Variants in ADAMTS20 observed in about 807,000 individuals in gnomAD.
ADAMTS20 encodes ADAM metallopeptidase with thrombospondin type 1 motif 20, also known as A disintegrin and metalloproteinase with thrombospondin motifs 20.
Under a neutral mutation model 260.1 loss-of-function variants are expected in ADAMTS20, and 225 were observed. The ratio of observed to expected loss-of-function variants is 0.87; its 90% CI spans 0.78 to 0.97. ADAMTS20 has a LOEUF of 0.97. Among genes scored for constraint, ADAMTS20 ranks in the 50% least tolerant of loss-of-function variants. The pLI, the probability that ADAMTS20 is intolerant of heterozygous loss-of-function variation, is 0.00. For missense variants in ADAMTS20, 2,400 were observed against 2,337.7 expected (o/e 1.03, Z -0.55); for synonymous variants, 802 against 769.5 (o/e 1.04, Z -0.70).
chr12:43,357,784 GAATT>G (rs927999655), intron 37 of ADAMTS20, among the ~76,000 whole-genome samples: 2 of 152,100 alleles, frequency 1.3e-5, no homozygotes, highest in Non-Finnish European at 2.9e-5. Flanking sequence ...TTGAATGGAT[GAATT>G]AAGTGCAGCA....
chr12:43,431,431 G>A lies in ADAMTS20; in HGVS notation c.3162C>T (p.His1054=). The A allele has an allele frequency of 6.2e-7, 1 of 1,613,972 alleles. No individual in the cohort carries two copies. Among genetic ancestry groups the A allele is most frequent in the African/African-American group, 1.3e-5 (1 of 75,050 alleles). ...TTGAATTACAGAAGCCATCACTCAAGTGATCTACATTCAGCTGACACCATA... is the reference window on the plus strand; with the variant it reads ...TTGAATTACAGAAGCCATCACTCAAATGATCTACATTCAGCTGACACCATA... ...RQVWCQLNVD[H]LSDGFCNSST... Residue 1054 remains histidine, a synonymous_variant, in exon 22 of 39, where the codon CAC becomes CAT. Coordinates refer to ENST00000389420, the MANE Select transcript of ADAMTS20 (RefSeq NM_025003.5).
intron 10 of ADAMTS20, 110 bp from the exon 11 acceptor site, chr12:43,463,109 G>A: frequency 1.5e-6 from 1 of 663,840 alleles, no homozygotes. Flanking sequence ...TAGTTCCATG[G>A]TATAAGCTGA....
chr12:43,365,521 TAG>T (rs1243648998), intron 37 of ADAMTS20, among the ~76,000 whole-genome samples: 2 of 151,948 alleles, frequency 1.3e-5, no homozygotes, highest in Non-Finnish European at 2.9e-5. Flanking sequence ...AAAGCTGTTT[TAG>T]AGTTAGGAAA....
intron 3 of ADAMTS20, among the ~76,000 whole-genome samples, chr12:43,510,785 G>A (rs1031935581): frequency 5.3e-5 from 8 of 151,772 alleles, no homozygotes; most frequent in Non-Finnish European, 8.8e-5. Flanking sequence ...ATAACAGCAT[G>A]GTGTATTCTA....
chr12:43,392,327 T>C (rs1940613095), intron 29 of ADAMTS20, among the ~76,000 whole-genome samples: 1 of 151,984 alleles, frequency 6.6e-6, no homozygotes, highest in South Asian at 2.1e-4. Flanking sequence ...TGGAAAAAAA[T>C]AGTTTATAAA....
intron 29 of ADAMTS20, among the ~76,000 whole-genome samples, chr12:43,397,116 C>T (rs1940720415): frequency 6.6e-6 from 1 of 152,118 alleles, no homozygotes; most frequent in South Asian, 2.1e-4. Flanking sequence ...TTAAGCAAAA[C>T]CACAATATTG....
At chr12:43,501,055 CTTTTTTTT>C (rs79075751) in intron 4 of ADAMTS20, among the ~76,000 whole-genome samples, 2 of 104,880 alleles carry the variant, frequency 1.9e-5, no homozygotes, top group Non-Finnish European at 3.7e-5. Context: ...CTATGTAATT[CTTTTTTTT>C]TTTTTTTTTT....
intron 21 of ADAMTS20, 54 bp from the exon 22 acceptor site, chr12:43,431,550 C>T: frequency 3.8e-6 from 6 of 1,584,508 alleles, no homozygotes; most frequent in Non-Finnish European, 5.2e-6. Context: ...AACACAAATG[C>T]CTTAAACTGA....
Position 43,430,363 on chromosome 12 carries a change from T to TGGG in ADAMTS20, c.3367_3369dup (p.Pro1123dup). ...ATGATTCTTTTTACCTGTCTGTCAC[T>TGGG]GGGGCGACTAGCTTCATGGCATTCT... On this transcript the variant is annotated inframe_insertion, in exon 23 of 39. Transcript: ENST00000389420. 1 of 1,612,408 alleles carries TGGG rather than the reference T, an allele frequency of 6.2e-7. No homozygotes were observed. The highest frequency in any genetic ancestry group is 8.5e-7 in the Non-Finnish European group (1 of 1,179,058).
intron 7 of ADAMTS20, 52 bp from the exon 8 acceptor site, chr12:43,468,757 C>A: frequency 9.7e-7 from 1 of 1,034,140 alleles, no homozygotes; most frequent in East Asian, 2.4e-5. Flanking sequence ...CTACCAAAAT[C>A]ATAAAGAACT....
chr12:43,428,699 C>T lies in ADAMTS20; in HGVS notation c.3590G>A (p.Arg1197Gln), dbSNP rs1455762434. ...AAAACAGTCCCATATTTCAGCAGGT[C>T]GGGGTAAGTGGGCACAATATGATTC... is the stretch of plus-strand genomic sequence containing the variant. The part of the protein sequence containing the change: ...ADESYCAHLP[R>Q]PAEIWDCFTP... The change falls in exon 25 of 39, where the codon CGA (arginine) becomes CAA (glutamine). Residue 1197 changes from arginine to glutamine, a missense_variant. Coordinates refer to ENST00000389420, the MANE Select transcript of ADAMTS20 (RefSeq NM_025003.5). 23 of 1,612,006 alleles carry T rather than the reference C, an allele frequency of 1.4e-5. No homozygotes were observed. The highest frequency in any genetic ancestry group is 2.2e-5 in the South Asian group (2 of 90,914).
chr12:43,408,850 G>T (rs754031077), intron 28 of ADAMTS20, among the ~76,000 whole-genome samples: 10 of 152,250 alleles, frequency 6.6e-5, no homozygotes, highest in Non-Finnish European at 1.2e-4. Context: ...TACTAATCTA[G>T]CAGTACATGG....
intron 15 of ADAMTS20, among the ~76,000 whole-genome samples, chr12:43,444,187 G>T (rs1407464620): frequency 1.3e-5 from 2 of 151,926 alleles, no homozygotes; most frequent in Non-Finnish European, 2.9e-5. Flanking sequence ...GAGACCCTTA[G>T]TACACATACC....
At chr12:43,501,481 G>GCGCGCGCGCGCA (rs373746834) in intron 4 of ADAMTS20, among the ~76,000 whole-genome samples, 2 of 117,810 alleles carry the variant, frequency 1.7e-5, no homozygotes, top group African/African-American at 3.2e-5. Flanking sequence ...GCGCGCGCGC[G>GCGCGCGCGCGCA]CACACACACA....
intron 18 of ADAMTS20, among the ~76,000 whole-genome samples, chr12:43,437,558 C>T (rs1941580256): frequency 6.6e-6 from 1 of 152,024 alleles, no homozygotes; most frequent in African/African-American, 2.4e-5. Context: ...GGAAAACAAG[C>T]CAGAAAACAA....
intron 8 of ADAMTS20, among the ~76,000 whole-genome samples, chr12:43,467,186 G>T (rs1171398595): frequency 6.6e-6 from 1 of 151,986 alleles, no homozygotes; most frequent in Non-Finnish European, 1.5e-5. Flanking sequence ...CATTGACTAT[G>T]GCTACAATAT....
chr12:43,499,716 G>T (rs1942729313), intron 4 of ADAMTS20, among the ~76,000 whole-genome samples: 1 of 151,922 alleles, frequency 6.6e-6, no homozygotes, highest in Non-Finnish European at 1.5e-5. Flanking sequence ...TGTTGGCCAG[G>T]ATGGTCTCTA....
chr12:43,484,789 T>G (rs1942496922), intron 7 of ADAMTS20, among the ~76,000 whole-genome samples: 1 of 152,124 alleles, frequency 6.6e-6, no homozygotes, highest in African/African-American at 2.4e-5. Flanking sequence ...TGAGGAAAAC[T>G]TCTCTGGCCT....
chr12:43,401,597 T>C (rs1283111248), intron 28 of ADAMTS20, among the ~76,000 whole-genome samples: 1 of 151,944 alleles, frequency 6.6e-6, no homozygotes, highest in African/African-American at 2.4e-5. Flanking sequence ...TTTGCTTCTC[T>C]CTCTTCTTTG....
Sources: gnomAD v4.1 joint callset for allele counts (sites outside exome capture counted in the v4.1 genomes callset) on GRCh38, gnomAD v4.1.1 for gene constraint, MANE v1.5 for transcripts, NCBI Gene and HGNC (gene_info 2026-07-23, HGNC 2026-07-21) for gene names.